Variants in CALCR observed in about 807,000 individuals in gnomAD.
The protein encoded by CALCR is calcitonin receptor.
A neutral mutation model predicts 59.5 loss-of-function variants in CALCR; 47 were observed. The observed-to-expected ratio is 0.79, with a 90% CI of 0.63 to 1.01. The LOEUF (loss-of-function observed/expected upper bound fraction) is 1.01. Among genes scored for constraint, CALCR ranks in the 50% least tolerant of loss-of-function variants. The pLI, the probability that CALCR is intolerant of heterozygous loss-of-function variation, is 0.00. For missense variants in CALCR, 566 were observed against 597.1 expected, an observed-to-expected ratio of 0.95 and a Z score of 0.54; for synonymous variants, 213 against 211.3, an observed-to-expected ratio of 1.01 and a Z score of -0.07.
chr7:93,452,487 C>T (rs1294520958), intron 8 of CALCR, among the ~76,000 whole-genome samples: 2 of 151,994 alleles, frequency 1.3e-5, no homozygotes, highest in African/African-American at 4.8e-5. Flanking sequence ...GAAACTTCAT[C>T]AGAAAGTCTA....
intron 6 of CALCR, among the ~76,000 whole-genome samples, chr7:93,470,239 G>A (rs1179125616): frequency 6.7e-6 from 1 of 149,576 alleles, no homozygotes; most frequent in Non-Finnish European, 1.5e-5. Context: ...GCTTTCTTGG[G>A]AGGGATTTAG....
chr7:93,426,967 TTTTAA>T (rs777600621), intron 13 of CALCR, among the ~76,000 whole-genome samples: 1 of 152,140 alleles, frequency 6.6e-6, no homozygotes, highest in African/African-American at 2.4e-5. Flanking sequence ...AGGCAGAAGT[TTTTAA>T]TTTAAGTGTG....
At chr7:93,536,727 A>AT (rs1789000521) in intron 2 of CALCR, among the ~76,000 whole-genome samples, 1 of 151,520 alleles carries the variant, frequency 6.6e-6, no homozygotes, top group Non-Finnish European at 1.5e-5. Context: ...TAACTTCTGA[A>AT]TTTTTTTGTA....
At chr7:93,427,474 A>C (rs918076028) in intron 13 of CALCR, among the ~76,000 whole-genome samples, 1 of 152,242 alleles carries the variant, frequency 6.6e-6, no homozygotes, top group South Asian at 2.1e-4. Context: ...TGCTCAGTAC[A>C]TACAACAAGC....
At chr7:93,471,206 T>C (rs1186009032) in intron 6 of CALCR, among the ~76,000 whole-genome samples, 2 of 151,824 alleles carry the variant, frequency 1.3e-5, no homozygotes, top group East Asian at 3.9e-4. Context: ...CTTACAACAA[T>C]CTGGTTAACA....
intron 2 of CALCR, among the ~76,000 whole-genome samples, chr7:93,550,154 A>G (rs200541318): frequency 8.2e-4 from 125 of 152,248 alleles, no homozygotes; most frequent in Admixed American, 1.3e-3. Context: ...TATTCTATGT[A>G]TATGGTTTTG....
intron 2 of CALCR, among the ~76,000 whole-genome samples, chr7:93,494,909 G>A (rs1052351979): frequency 4.6e-5 from 7 of 151,302 alleles, no homozygotes; most frequent in Middle Eastern, 3.2e-3. Context: ...TGGAAAATCC[G>A]GGATGAACTG....
chr7:93,474,294 G>C (rs17787842), intron 5 of CALCR, among the ~76,000 whole-genome samples: 60,958 of 151,284 alleles, frequency 0.4, 12,973 homozygotes, highest in South Asian at 0.49. Context: ...TGTAAAACTA[G>C]TATAATTGTT....
intron 8 of CALCR, among the ~76,000 whole-genome samples, chr7:93,453,008 A>G (rs1178006771): frequency 6.6e-6 from 1 of 151,942 alleles, no homozygotes; most frequent in Non-Finnish European, 1.5e-5. Flanking sequence ...CCTTCAGGTT[A>G]TTTGTTATTT....
At chr7:93,552,351 A>G (rs1789481380) in intron 2 of CALCR, among the ~76,000 whole-genome samples, 1 of 152,294 alleles carries the variant, frequency 6.6e-6, no homozygotes, top group East Asian at 1.9e-4. Flanking sequence ...CTGGAGATGG[A>G]ACTCGGGTGT....
intron 11 of CALCR, among the ~76,000 whole-genome samples, chr7:93,437,789 A>G (rs540065562): frequency 6.6e-6 from 1 of 152,268 alleles, no homozygotes; most frequent in African/African-American, 2.4e-5. Flanking sequence ...TTTACCTAGG[A>G]GAATCTAGTT....
intron 2 of CALCR, among the ~76,000 whole-genome samples, chr7:93,499,620 T>C (rs1584586641): frequency 1.3e-5 from 2 of 151,920 alleles, no homozygotes; most frequent in East Asian, 3.9e-4. Flanking sequence ...CTTTATTATA[T>C]TGGAAAAGAA....
chr7:93,512,626 C>A (rs1163635793), intron 2 of CALCR, among the ~76,000 whole-genome samples: 2 of 152,024 alleles, frequency 1.3e-5, no homozygotes, highest in Non-Finnish European at 2.9e-5. Flanking sequence ...AGCTGAGTAT[C>A]CTAAAATATT....
intron 8 of CALCR, among the ~76,000 whole-genome samples, chr7:93,445,425 G>A (rs1349827382): frequency 6.6e-6 from 1 of 152,056 alleles, no homozygotes; most frequent in African/African-American, 2.4e-5. Context: ...GTCACTTGGG[G>A]AGAAGGAGAT....
chr7:93,484,682 A>C (rs1800900185), intron 3 of CALCR, among the ~76,000 whole-genome samples: 2 of 151,782 alleles, frequency 1.3e-5, no homozygotes, highest in Non-Finnish European at 2.9e-5. Flanking sequence ...ATAAACAACG[A>C]AACTGCATAT....
At position 93,467,219 on chromosome 7, in the gene CALCR, T is replaced by C. The variant is rs577336141; in HGVS notation, c.521+1496A>G. On this transcript the variant is annotated intron_variant, in intron 7 of 13. Transcript: ENST00000426151. ...TATGTGATTACTGTATTCTGATCAT[T>C]ATCATTGAAAATACTCTTCTATTCT... is the stretch of plus-strand genomic sequence containing the variant. Among the ~76,000 whole-genome samples, 8 of 151,972 alleles carry C rather than the reference T, an allele frequency of 5.3e-5. No homozygotes were observed. The South Asian group carries it at 1.7e-3, about 31-fold the overall frequency.
chr7:93,454,973 C>T (rs1057365334), intron 8 of CALCR, among the ~76,000 whole-genome samples: 1 of 147,836 alleles, frequency 6.8e-6, no homozygotes, highest in Admixed American at 6.8e-5. Context: ...TTACCCTCAA[C>T]AAAATAATAA....
chr7:93,561,229 T>G (rs1042642186), intron 2 of CALCR, among the ~76,000 whole-genome samples: 17 of 152,168 alleles, frequency 1.1e-4, no homozygotes, highest in Non-Finnish European at 1.2e-4. Context: ...TCAGTCAAAG[T>G]TTAAGTGTTT....
intron 2 of CALCR, among the ~76,000 whole-genome samples, chr7:93,533,071 C>T (rs1002683755): frequency 4.6e-5 from 7 of 151,732 alleles, no homozygotes; most frequent in Middle Eastern, 3.2e-3. Flanking sequence ...CATTTTTATC[C>T]TTGTTATTCA....
Sources: allele counts gnomAD v4.1 joint callset (sites outside exome capture counted in the v4.1 genomes callset), GRCh38; gene constraint gnomAD v4.1.1; transcripts MANE v1.5; gene names NCBI Gene and HGNC (gene_info 2026-07-23, HGNC 2026-07-21).